The following MARK3 variants were observed in gnomAD, a reference collection of about 807,000 sequenced individuals.
MARK3 encodes MAP/microtubule affinity-regulating kinase 3.
MARK3 carries 46 observed loss-of-function variants against 90.1 expected under a neutral mutation model. The ratio of observed to expected loss-of-function variants is 0.51; its 90% CI spans 0.40 to 0.65. MARK3 has a LOEUF of 0.65. Ranked by LOEUF, MARK3 falls within the 30% of genes least tolerant of loss-of-function variation. The pLI is 0.00. For missense variants in MARK3, 818 were observed against 947.2 expected, an observed-to-expected ratio of 0.86 and a Z score of 1.79; for synonymous variants, 321 against 332.6, an observed-to-expected ratio of 0.97 and a Z score of 0.38.
intron 3 of MARK3, among the ~76,000 whole-genome samples, chr14:103,429,723 C>T (rs935423945): frequency 7.9e-5 from 12 of 152,182 alleles, no homozygotes; most frequent in Admixed American, 3.9e-4. Flanking sequence ...TCCATATCTT[C>T]AGCTATCTAA....
At chr14:103,424,146 G>GT (rs1452615042) in intron 2 of MARK3, among the ~76,000 whole-genome samples, 6 of 151,990 alleles carry the variant, frequency 3.9e-5, no homozygotes, top group African/African-American at 1.5e-4. Context: ...GGAGGCGGAG[G>GT]TTGCAGTGAG....
chr14:103,494,220 G>A (rs1378110656), intron 15 of MARK3, among the ~76,000 whole-genome samples: 2 of 132,696 alleles, frequency 1.5e-5, no homozygotes, highest in African/African-American at 2.9e-5. Flanking sequence ...GGTGATGACA[G>A]AGCGAGACTC....
chr14:103,502,779 CGTTA>C (rs1471199700), intron 17 of MARK3, 99 bp from the exon 18 acceptor site: 10 of 852,982 alleles, frequency 1.2e-5, no homozygotes, highest in African/African-American at 3.4e-5. Flanking sequence ...GGAGGTCAGT[CGTTA>C]GTTGTGTTGT....
At chr14:103,444,378 G>A (rs2092940003) in intron 3 of MARK3, among the ~76,000 whole-genome samples, 1 of 152,144 alleles carries the variant, frequency 6.6e-6, no homozygotes, top group African/African-American at 2.4e-5. Flanking sequence ...GATCAGTAAG[G>A]AGAGAATTCT....
chr14:103,385,491 C>G lies in MARK3; in HGVS notation c.-539C>G, dbSNP rs1269922655. The G allele has an allele frequency of 6.5e-6, 1 of 154,538 alleles. No individual in the cohort carries two copies. Among genetic ancestry groups the G allele is most frequent in the Non-Finnish European group, 1.4e-5 (1 of 69,084 alleles). 9.6% of individuals were successfully genotyped at this position (154,538 alleles called of 1,614,324 possible). A position where few individuals can be genotyped will look rare whatever the true frequency, so the allele number is the denominator to read the frequency against. On this transcript the variant is annotated 5_prime_UTR_variant, in exon 1 of 18. Transcript: ENST00000429436. ...GCAGGGCGGAGGCTGAGGCAGCAAG[C>G]TCGCTAGAGAGGGAGAAGCAGTCGG... is the stretch of plus-strand genomic sequence containing the variant.
In MARK3 at chr14:103,491,817, A is replaced by C. The variant is rs1478450846; in HGVS notation, c.1627A>C (p.Ser543Arg). ...GAGAACTCCAGTTGCTTCAACACAC[A>C]GTATCAGTAGTGCAGCCACCCCAGA... ...DQRTPVASTH[S>R]ISSAATPDRI... Residue 543 changes from serine to arginine, a missense_variant, in exon 15 of 18, where the codon AGT becomes CGT. This residue lies in a region of MARK3 where 560 missense variants were observed against 613.5 expected (regional missense o/e 0.91). Transcript: ENST00000429436. 6.2e-7 allele frequency: 1 copy of C among 1,614,182 alleles called. No individual in the cohort carries two copies. Among genetic ancestry groups the C allele is most frequent in the East Asian group, 2.2e-5 (1 of 44,888 alleles).
intron 6 of MARK3, among the ~76,000 whole-genome samples, chr14:103,462,141 G>A (rs1217741906): frequency 1.3e-5 from 2 of 151,982 alleles, no homozygotes; most frequent in Non-Finnish European, 2.9e-5. Flanking sequence ...ACTGTAAGTG[G>A]AATGTCAACG....
chr14:103,460,073 CTT>C (rs571611660), intron 6 of MARK3, among the ~76,000 whole-genome samples: 171 of 41,670 alleles, frequency 4.1e-3, no homozygotes, highest in African/African-American at 0.012. Context: ...CCAGCTCCAT[CTT>C]TTTTTTTTTT....
intron 1 of MARK3, among the ~76,000 whole-genome samples, chr14:103,401,047 T>C (rs574763689): frequency 1.3e-5 from 2 of 149,366 alleles, no homozygotes; most frequent in African/African-American, 4.9e-5. Flanking sequence ...TGATTAACAG[T>C]ACAAGAACTC....
At chr14:103,437,101 A>T (rs191219711) in intron 3 of MARK3, among the ~76,000 whole-genome samples, 5 of 152,180 alleles carry the variant, frequency 3.3e-5, no homozygotes, top group South Asian at 4.1e-4. Flanking sequence ...CAAAAAAAAA[A>T]AAAATTGAGA....
intron 14 of MARK3, among the ~76,000 whole-genome samples, chr14:103,485,427 C>G (rs545493393): frequency 2.6e-5 from 4 of 151,808 alleles, no homozygotes; most frequent in South Asian, 2.1e-4. Context: ...GCATGGACCA[C>G]CACACCTGGC....
chr14:103,398,112 C>T (rs1031939708), intron 1 of MARK3, among the ~76,000 whole-genome samples: 20 of 152,278 alleles, frequency 1.3e-4, no homozygotes, highest in African/African-American at 4.6e-4. Flanking sequence ...CCAGTCTGCT[C>T]GCCAGAGGTG....
Position 103,503,235 on chromosome 14 carries a change from A to G in MARK3, c.*8A>G. The G allele has an allele frequency of 1.3e-6, 2 of 1,592,606 alleles. No homozygotes were observed. Among genetic ancestry groups the G allele is most frequent in the East Asian group, 2.2e-5 (1 of 44,532 alleles). ...AATGAGCTAAAGCTGTAACCCAGTG[A>G]TTATGATGTAAATTAAGTAGCAATT... On this transcript the variant is annotated 3_prime_UTR_variant, in exon 18 of 18. Transcript: ENST00000429436.
At chr14:103,493,430 C>T (rs1300484846) in intron 15 of MARK3, among the ~76,000 whole-genome samples, 1 of 151,928 alleles carries the variant, frequency 6.6e-6, no homozygotes, top group Non-Finnish European at 1.5e-5. Flanking sequence ...TTACTCACTT[C>T]TTAGCCCCTT....
At chr14:103,450,554 A>G (rs2093110893) in intron 4 of MARK3, among the ~76,000 whole-genome samples, 1 of 152,208 alleles carries the variant, frequency 6.6e-6, no homozygotes, top group Admixed American at 6.5e-5. Context: ...GGAAGATTAG[A>G]AGAGTTTTAT....
intron 2 of MARK3, among the ~76,000 whole-genome samples, chr14:103,427,635 G>A (rs982180849): frequency 1.3e-5 from 2 of 152,108 alleles, no homozygotes; most frequent in African/African-American, 4.8e-5. Context: ...AGCTTTCTGG[G>A]AAAAGGGCAG....
chr14:103,434,275 T>TA (rs1186981768), intron 3 of MARK3, among the ~76,000 whole-genome samples: 1 of 152,184 alleles, frequency 6.6e-6, no homozygotes, highest in Non-Finnish European at 1.5e-5. Flanking sequence ...AGTTGTCCGC[T>TA]CTACCATACC....
chr14:103,410,076 C>G (rs2091542372), intron 2 of MARK3, among the ~76,000 whole-genome samples: 1 of 152,180 alleles, frequency 6.6e-6, no homozygotes, highest in Admixed American at 6.5e-5. Context: ...TTCGTACATG[C>G]TTCTACACTG....
At chr14:103,417,677 G>T (rs2092007385) in intron 2 of MARK3, among the ~76,000 whole-genome samples, 1 of 152,028 alleles carries the variant, frequency 6.6e-6, no homozygotes. Context: ...GCAGAGACTG[G>T]AGTGCTTGAA....
Sources: gnomAD v4.1 joint callset for allele counts (sites outside exome capture counted in the v4.1 genomes callset) on GRCh38, gnomAD v4.1.1 for gene constraint, gnomAD v4.1.1 regional missense constraint, MANE v1.5 for transcripts, NCBI Gene and HGNC (gene_info 2026-07-23, HGNC 2026-07-21) for gene names.